The following KCTD1 variants were observed in gnomAD, a reference collection of about 807,000 sequenced individuals.
KCTD1 encodes potassium channel tetramerization domain containing 1.
In KCTD1, 24 loss-of-function variants were observed where a neutral mutation model predicts 66.0. The observed-to-expected ratio is 0.36, with a 90% CI of 0.26 to 0.51. The LOEUF (loss-of-function observed/expected upper bound fraction) is 0.51, where lower values mean the gene tolerates loss of function less well. KCTD1 is among the 20% of genes least tolerant of loss of function. The probability of loss-of-function intolerance (pLI) is 0.95; values close to 1 mark genes in which losing one functional copy is unlikely to be tolerated. For synonymous variants in KCTD1, 511 were observed against 517.2 expected, an observed-to-expected ratio of 0.99 and a Z score of 0.16; for missense variants, 943 against 1,205.2, an observed-to-expected ratio of 0.78 and a Z score of 3.22.
intron 1 of KCTD1, among the ~76,000 whole-genome samples, chr18:26,615,432 G>C (rs1987228679): frequency 6.6e-6 from 1 of 152,192 alleles, no homozygotes; most frequent in African/African-American, 2.4e-5. Flanking sequence ...GATAGAGAAG[G>C]GGATGGGAGA....
upstream of KCTD1, among the ~76,000 whole-genome samples, chr18:26,643,684 C>A (rs546854424): frequency 1.1e-3 from 174 of 152,148 alleles, 1 homozygote; most frequent in Middle Eastern, 3.4e-3. Context: ...GCCTGCTGGC[C>A]GGGTGCGGTG....
intron 1 of KCTD1, among the ~76,000 whole-genome samples, chr18:26,611,432 C>A (rs1237509232): frequency 6.6e-6 from 1 of 152,134 alleles, no homozygotes; most frequent in African/African-American, 2.4e-5. Flanking sequence ...CTCACTGCAA[C>A]CTCCACCTCC....
chr18:26,604,098 A>C (rs1986960728), intron 1 of KCTD1, among the ~76,000 whole-genome samples: 1 of 152,240 alleles, frequency 6.6e-6, no homozygotes, highest in South Asian at 2.1e-4. Context: ...AAAAGTGGGC[A>C]AAGGACATGA....
At chr18:26,620,669 C>A (rs1273332343) in intron 1 of KCTD1, among the ~76,000 whole-genome samples, 2 of 151,766 alleles carry the variant, frequency 1.3e-5, no homozygotes, top group Non-Finnish European at 2.9e-5. Flanking sequence ...CTCCTGGGCT[C>A]AAGGGATCTG....
chr18:26,591,414 A>G (rs1264821426), intron 1 of KCTD1: 1 of 152,076 alleles, frequency 6.6e-6, no homozygotes, highest in Non-Finnish European at 1.5e-5. Flanking sequence ...AGGGTTACTG[A>G]GATACAAGAT....
chr18:26,610,029 C>A (rs1422867002), intron 1 of KCTD1, among the ~76,000 whole-genome samples: 1 of 151,912 alleles, frequency 6.6e-6, no homozygotes, highest in Non-Finnish European at 1.5e-5. Flanking sequence ...ATGCTTCATT[C>A]AAAAATTTAT....
rs1268433903 is a variant in KCTD1 at position 26,547,781 on chromosome 18, C to T, written c.756G>A (p.Lys252=). 2.6e-6 allele frequency: 4 copies of T among 1,541,942 alleles called. No homozygotes were observed. The African/African-American group carries it at 5.5e-5, about 21-fold the overall frequency. The change falls in exon 1 of 5, where the codon AAG becomes AAA. Residue 252 remains lysine, a synonymous_variant. Coordinates refer to ENST00000580059, the MANE Select transcript of KCTD1 (RefSeq NM_001142730.3). The stretch of plus-strand genomic sequence containing the variant: ...GGTTGGCGCTGCGCAGCTCGGGGTC[C>T]TTGGTGAGGTCGAGCGTGCGGCAGT... ...PPYCRTLDLT[K]DPELRSANLT... is the part of the protein sequence containing the mutation.
At chr18:26,538,224 G>C (rs1984802088) in intron 1 of KCTD1, among the ~76,000 whole-genome samples, 1 of 151,984 alleles carries the variant, frequency 6.6e-6, no homozygotes, top group Non-Finnish European at 1.5e-5. Flanking sequence ...TCCAGCCTGG[G>C]AAACAAGAGC....
At chr18:26,538,392 G>A (rs1032120952) in intron 1 of KCTD1, among the ~76,000 whole-genome samples, 6 of 152,100 alleles carry the variant, frequency 3.9e-5, no homozygotes, top group African/African-American at 4.8e-5. Flanking sequence ...CACACGGATG[G>A]GCTTTTTTAG....
rs1982736433 is a variant in KCTD1 at position 26,501,087 on chromosome 18, T to C, written c.1973A>G (p.Lys658Arg). ...TTCAGATTACCTGGATTCAGGGTAT[T>C]TGGTGAGGGTGGCCAGGCTGCTGGT... ...MYTSSLATLT[K>R]YPESRIGRLF... Residue 658 changes from lysine to arginine, a missense_variant, in exon 2 of 5, where the codon AAA becomes AGA. Lys to Arg is a conservative substitution (Grantham distance 26, BLOSUM62 2). Transcript: ENST00000580059. 6.2e-7 allele frequency: 1 copy of C among 1,613,332 alleles called. No homozygotes were observed. The highest frequency in any genetic ancestry group is 8.5e-7 in the Non-Finnish European group (1 of 1,179,690).
At chr18:26,627,674 G>T (rs1444893962) in intron 1 of KCTD1, among the ~76,000 whole-genome samples, 3 of 152,126 alleles carry the variant, frequency 2.0e-5, no homozygotes, top group Non-Finnish European at 4.4e-5. Flanking sequence ...AATTAAAACA[G>T]CAACAATAAA....
intron 4 of KCTD1, chr18:26,458,337 A>G (rs777391688): frequency 6.6e-6 from 1 of 152,252 alleles, no homozygotes; most frequent in Non-Finnish European, 1.5e-5. Flanking sequence ...GCAGCACAGA[A>G]GAGTGGGTGC....
At chr18:26,489,961 T>A (rs1982108543) in intron 2 of KCTD1, among the ~76,000 whole-genome samples, 1 of 152,198 alleles carries the variant, frequency 6.6e-6, no homozygotes, top group Non-Finnish European at 1.5e-5. Context: ...TTCTTTCTGG[T>A]ATGATAAGGG....
chr18:26,555,382 G>A (rs1340487956), intron 1 of KCTD1, among the ~76,000 whole-genome samples: 2 of 152,122 alleles, frequency 1.3e-5, no homozygotes, highest in African/African-American at 2.4e-5. Flanking sequence ...CCGAGATTGC[G>A]CCACTGCACT....
chr18:26,547,329 T>C lies in KCTD1; in HGVS notation c.1208A>G (p.Lys403Arg), dbSNP rs1334498763. Reference sequence around the variant, plus strand: ...GTCCCGGGGCCGCTGGAAGAACGCCTTGCAGAGAGGGTTGCGTTTCGACAG... The same window carrying C: ...GTCCCGGGGCCGCTGGAAGAACGCCCTGCAGAGAGGGTTGCGTTTCGACAG... The part of the protein sequence containing the change: ...KYLSKRNPLC[K>R]AFFQRPRDHC... The change falls in exon 1 of 5, where the codon AAG (lysine) becomes AGG (arginine). Residue 403 changes from lysine to arginine, a missense_variant. Lys to Arg is a conservative substitution (Grantham distance 26). This residue lies in a region of KCTD1 where 79 missense variants were observed against 133.9 expected (regional missense o/e 0.59). Transcript: ENST00000580059. The C allele has an allele frequency of 3.9e-6, 6 of 1,551,488 alleles. No homozygotes were observed.
chr18:26,599,900 T>TTGAAG, intron 1 of KCTD1: 1 of 1,558,990 alleles, frequency 6.4e-7, no homozygotes, highest in Non-Finnish European at 8.8e-7. Context: ...AAGCAAAACT[T>TTGAAG]TGAAGTGGGT....
At chr18:26,553,474 C>T (rs1409574446), upstream of KCTD1, among the ~76,000 whole-genome samples, 1 of 152,114 alleles carries the variant, frequency 6.6e-6, no homozygotes, top group African/African-American at 2.4e-5. Flanking sequence ...ATAGTAGATA[C>T]CCAATAAATA....
chr18:26,497,718 G>A (rs1308605005), intron 2 of KCTD1, among the ~76,000 whole-genome samples: 2 of 152,168 alleles, frequency 1.3e-5, no homozygotes, highest in African/African-American at 4.8e-5. Context: ...CCTGAGCAGC[G>A]TCATTTGCTT....
chr18:26,477,339 T>A (rs1981403168), intron 2 of KCTD1, among the ~76,000 whole-genome samples: 1 of 152,230 alleles, frequency 6.6e-6, no homozygotes, highest in Non-Finnish European at 1.5e-5. Flanking sequence ...TTAAAAACAA[T>A]GATCCACATT....
Sources: gnomAD v4.1 joint callset for allele counts (sites outside exome capture counted in the v4.1 genomes callset) on GRCh38, gnomAD v4.1.1 for gene constraint, gnomAD v4.1.1 regional missense constraint, MANE v1.5 for transcripts, NCBI Gene and HGNC (gene_info 2026-07-23, HGNC 2026-07-21) for gene names.